Variants in PTPRM observed in about 807,000 individuals in gnomAD.
The protein encoded by PTPRM is protein tyrosine phosphatase receptor type M.
PTPRM carries 47 observed loss-of-function variants against 186.7 expected under a neutral mutation model. That is an observed-to-expected ratio of 0.25 (90% CI 0.20 to 0.32). The LOEUF is 0.32. Ranked by LOEUF, PTPRM falls within the 10% of genes least tolerant of loss-of-function variation. The pLI is 1.00. For missense variants in PTPRM, 1,494 were observed against 1,865.0 expected (o/e 0.80, Z 3.66); for synonymous variants, 668 against 674.9 (o/e 0.99, Z 0.16).
At chr18:8,317,031 G>A (rs2095313378) in intron 21 of PTPRM, among the ~76,000 whole-genome samples, 1 of 152,170 alleles carries the variant, frequency 6.6e-6, no homozygotes, top group South Asian at 2.1e-4. Flanking sequence ...TCATGGGCCA[G>A]GTCAGGTCCA....
chr18:8,294,715 C>G (rs2095077239), intron 19 of PTPRM, among the ~76,000 whole-genome samples: 1 of 152,186 alleles, frequency 6.6e-6, no homozygotes, highest in Admixed American at 6.5e-5. Flanking sequence ...AAGGTAAAAA[C>G]TATTATGATA....
intron 14 of PTPRM, among the ~76,000 whole-genome samples, chr18:8,216,281 A>G (rs1222664600): frequency 2.6e-5 from 4 of 152,166 alleles, no homozygotes; most frequent in African/African-American, 9.7e-5. Context: ...AATGACTTCA[A>G]ATATGTGGGG....
intron 19 of PTPRM, among the ~76,000 whole-genome samples, chr18:8,280,362 A>T (rs1175586282): frequency 7.0e-6 from 1 of 142,392 alleles, no homozygotes; most frequent in African/African-American, 2.6e-5. Flanking sequence ...ATTCTGAGGT[A>T]CGGGAGCTTA....
intron 5 of PTPRM, among the ~76,000 whole-genome samples, chr18:7,939,790 C>A (rs550600193): frequency 6.6e-6 from 1 of 152,134 alleles, no homozygotes; most frequent in South Asian, 2.1e-4. Flanking sequence ...AAGAACAGTG[C>A]GATGCCCATC....
chr18:8,156,783 C>T (rs1257733203), intron 14 of PTPRM, among the ~76,000 whole-genome samples: 1 of 152,280 alleles, frequency 6.6e-6, no homozygotes, highest in East Asian at 1.9e-4. Flanking sequence ...TGAAATTCTG[C>T]CAGCATGTCT....
chr18:7,599,117 A>G (rs183176355), intron 1 of PTPRM, among the ~76,000 whole-genome samples: 3 of 152,304 alleles, frequency 2.0e-5, no homozygotes, highest in East Asian at 3.9e-4. Context: ...GCTGTTGTTG[A>G]GAAGAAGTAA....
At chr18:7,819,512 T>C (rs1407527384) in intron 2 of PTPRM, among the ~76,000 whole-genome samples, 1 of 152,158 alleles carries the variant, frequency 6.6e-6, no homozygotes, top group Non-Finnish European at 1.5e-5. Context: ...GGCTCAACTC[T>C]AGGGGAAAAG....
In PTPRM at chr18:8,294,234, A is replaced by G. The variant is rs554634364; in HGVS notation, c.2755-2134A>G. On this transcript the variant is annotated intron_variant, in intron 19 of 32. Coordinates refer to ENST00000580170, the MANE Select transcript of PTPRM (RefSeq NM_001105244.2). Reference sequence around the variant, plus strand: ...GCCACTGCACTCTAGCCTGGGTCACAGGGTGAGACTCTGTCTCAAATTAAA... The same window carrying G: ...GCCACTGCACTCTAGCCTGGGTCACGGGGTGAGACTCTGTCTCAAATTAAA... Among the ~76,000 whole-genome samples the G allele has an allele frequency of 5.3e-5, 8 of 152,328 alleles. No homozygotes were observed. The South Asian group carries it at 1.7e-3, about 32-fold the overall frequency.
intron 4 of PTPRM, among the ~76,000 whole-genome samples, chr18:7,915,923 A>G (rs79143069): frequency 0.1 from 15,684 of 152,258 alleles, 923 homozygotes; most frequent in African/African-American, 0.14. Flanking sequence ...AATTTACACC[A>G]TTAGCAGAAA....
chr18:8,209,989 T>TA (rs67547673), intron 14 of PTPRM, among the ~76,000 whole-genome samples: 3,282 of 78,488 alleles, frequency 0.042, 192 homozygotes, highest in East Asian at 0.18. Context: ...GAAGTAAAAT[T>TA]AAAAAAAAAA....
intron 14 of PTPRM, among the ~76,000 whole-genome samples, chr18:8,211,377 C>CTTTTTTTTTTTTTTTTTTT (rs970926126): frequency 5.6e-4 from 49 of 87,238 alleles, no homozygotes; most frequent in East Asian, 7.4e-4. Flanking sequence ...GTCTCTTCTT[C>CTTTTTTTTTTTTTTTTTTT]TTTTTTTTTT....
rs190284595 is a variant in PTPRM, at chr18:7,890,685, A to G, written c.468+2308A>G. Among the ~76,000 whole-genome samples, 575 of 152,322 alleles carry G rather than the reference A, an allele frequency of 3.8e-3. 3 individuals are homozygous for G. Among genetic ancestry groups the G allele is most frequent in the African/African-American group, 0.013 (557 of 41,576 alleles). On this transcript the variant is annotated intron_variant, in intron 3 of 32. Coordinates refer to ENST00000580170, the MANE Select transcript of PTPRM (RefSeq NM_001105244.2). ...TATTAGGAATTTATCCTAAAGAAGT[A>G]ATGAAGAGTGATTGCAAATAATTAA...
chr18:8,374,677 G>C (rs571574822), intron 24 of PTPRM, among the ~76,000 whole-genome samples: 1 of 152,184 alleles, frequency 6.6e-6, no homozygotes, highest in African/African-American at 2.4e-5. Context: ...GTGAATCCCC[G>C]ACTGCTTAAT....
chr18:8,292,041 TTAC>T (rs1391645778), intron 19 of PTPRM, among the ~76,000 whole-genome samples: 3 of 152,330 alleles, frequency 2.0e-5, no homozygotes, highest in Admixed American at 6.5e-5. Context: ...CCTATCCCAG[TTAC>T]TGTACTTGCC....
chr18:8,072,160 C>T (rs2148455636), intron 8 of PTPRM, among the ~76,000 whole-genome samples: 1 of 152,146 alleles, frequency 6.6e-6, no homozygotes, highest in Non-Finnish European at 1.5e-5. Flanking sequence ...CCCAAAATAC[C>T]TTAGGTCTTT....
chr18:7,772,689 T>G (rs564848884), intron 1 of PTPRM, among the ~76,000 whole-genome samples: 1 of 152,108 alleles, frequency 6.6e-6, no homozygotes, highest in Admixed American at 6.6e-5. Flanking sequence ...ACCTAAGCAT[T>G]TGGATAGAAG....
intron 1 of PTPRM, among the ~76,000 whole-genome samples, chr18:7,663,195 C>T (rs187252205): frequency 1.7e-3 from 260 of 152,312 alleles, no homozygotes; most frequent in African/African-American, 5.8e-3. Context: ...GGAAAGGTCA[C>T]GCACTCACTA....
chr18:8,399,844 A>T (rs890876805), intron 32 of PTPRM: 3 of 152,250 alleles, frequency 2.0e-5, no homozygotes, highest in African/African-American at 7.2e-5. Context: ...AAGGGAAAAA[A>T]ATCGACAACT....
rs2095711179 is a variant in PTPRM, at chr18:8,378,595, C to A, written c.3612+181C>A. Among the ~76,000 whole-genome samples the A allele has an allele frequency of 3.3e-5, 5 of 152,146 alleles. No homozygotes were observed. The South Asian group carries it at 8.3e-4, about 25-fold the overall frequency. On this transcript the variant is annotated intron_variant, in intron 27 of 32. Coordinates refer to ENST00000580170, the MANE Select transcript of PTPRM (RefSeq NM_001105244.2). ...AGACGTCTATGGTATCACCACCACA[C>A]AAAAATGTGTGTAGACATTGCCAGG...
Sources: allele counts gnomAD v4.1 joint callset (sites outside exome capture counted in the v4.1 genomes callset), GRCh38; gene constraint gnomAD v4.1.1; transcripts MANE v1.5; gene names NCBI Gene and HGNC (gene_info 2026-07-23, HGNC 2026-07-21).